Variants in CSMD1 observed in about 807,000 individuals in gnomAD.
The protein encoded by CSMD1 is CUB and Sushi multiple domains 1, also known as CUB and sushi domain-containing protein 1.
A neutral mutation model predicts 417.5 loss-of-function variants in CSMD1; 213 were observed. The ratio of observed to expected loss-of-function variants is 0.51; its 90% CI spans 0.46 to 0.57. The LOEUF (loss-of-function observed/expected upper bound fraction) is 0.57. Ranked by LOEUF, CSMD1 falls within the 20% of genes least tolerant of loss-of-function variation. CSMD1 has a pLI of 0.00. For synonymous variants in CSMD1, 2,862 were observed against 1,736.8 expected, an observed-to-expected ratio of 1.65 and a Z score of -16.11; for missense variants, 6,923 against 4,529.7, an observed-to-expected ratio of 1.53 and a Z score of -15.17.
chr8:4,295,351 T>C (rs1193307600), intron 3 of CSMD1, among the ~76,000 whole-genome samples: 1 of 127,446 alleles, frequency 7.8e-6, no homozygotes, highest in Non-Finnish European at 1.8e-5. Flanking sequence ...TATGCACATA[T>C]AACCTTAAGA....
At chr8:3,329,562 T>C (rs1806759712) in intron 23 of CSMD1, among the ~76,000 whole-genome samples, 1 of 152,174 alleles carries the variant, frequency 6.6e-6, no homozygotes, top group Non-Finnish European at 1.5e-5. Flanking sequence ...GCCTATGCAA[T>C]CACAGACAGC....
chr8:3,450,245 T>C (rs980497786), intron 12 of CSMD1, among the ~76,000 whole-genome samples: 2 of 152,152 alleles, frequency 1.3e-5, no homozygotes, highest in Non-Finnish European at 2.9e-5. Flanking sequence ...GGTCTTTCTC[T>C]GTCATGACCT....
At chr8:4,487,671 G>T (rs545668796) in intron 2 of CSMD1, among the ~76,000 whole-genome samples, 29 of 152,202 alleles carry the variant, frequency 1.9e-4, no homozygotes, top group African/African-American at 6.5e-4. Context: ...GGATTTTTCT[G>T]TAAAATAATT....
chr8:4,149,696 G>C lies in CSMD1; in HGVS notation c.416-117597C>G, dbSNP rs114947753. On this transcript the variant is annotated intron_variant, in intron 3 of 69. Transcript: ENST00000635120. ...ACACTGAAGGAATAAACAATGCTGAGTGATGCTGAGCTCCAACAGAAACAT... is the reference window on the plus strand; with the variant it reads ...ACACTGAAGGAATAAACAATGCTGACTGATGCTGAGCTCCAACAGAAACAT... Among the ~76,000 whole-genome samples the C allele has an allele frequency of 8.7e-3, 1,318 of 152,300 alleles. 18 individuals are homozygous for C. Among genetic ancestry groups the C allele is most frequent in the African/African-American group, 0.029 (1,223 of 41,556 alleles).
chr8:4,160,416 C>G (rs1029654813), intron 3 of CSMD1, among the ~76,000 whole-genome samples: 16 of 152,182 alleles, frequency 1.1e-4, no homozygotes, highest in African/African-American at 3.4e-4. Context: ...ACTTTAAATT[C>G]AATGAAATAG....
At chr8:4,317,773 A>G (rs1799019789) in intron 3 of CSMD1, among the ~76,000 whole-genome samples, 2 of 152,152 alleles carry the variant, frequency 1.3e-5, no homozygotes, top group African/African-American at 4.8e-5. Flanking sequence ...CTGCCCCAGA[A>G]GTTTTCTTTT....
intron 5 of CSMD1, among the ~76,000 whole-genome samples, chr8:3,763,440 G>C (rs963929980): frequency 3.3e-5 from 5 of 152,004 alleles, no homozygotes; most frequent in Admixed American, 6.6e-5. Context: ...TTGTTTAAAA[G>C]AGCCTAGCAC....
intron 5 of CSMD1, among the ~76,000 whole-genome samples, chr8:3,973,889 G>A (rs955197087): frequency 1.3e-5 from 2 of 152,222 alleles, no homozygotes; most frequent in African/African-American, 4.8e-5. Context: ...TGAATATATT[G>A]ATGGGTTACA....
intron 2 of CSMD1, among the ~76,000 whole-genome samples, chr8:4,501,810 T>A (rs373984522): frequency 1.3e-5 from 2 of 152,104 alleles, no homozygotes; most frequent in African/African-American, 4.8e-5. Context: ...GCAAGCGTAG[T>A]GGGCCTTATT....
At chr8:3,646,327 T>C (rs1009548428) in intron 7 of CSMD1, among the ~76,000 whole-genome samples, 3 of 152,178 alleles carry the variant, frequency 2.0e-5, no homozygotes, top group African/African-American at 4.8e-5. Flanking sequence ...ATATAGAAGA[T>C]ATTAAAACAT....
intron 5 of CSMD1, among the ~76,000 whole-genome samples, chr8:3,921,335 C>A (rs904987403): frequency 6.6e-6 from 1 of 151,830 alleles, no homozygotes; most frequent in Non-Finnish European, 1.5e-5. Flanking sequence ...TTTGTCTATC[C>A]TTTCATAAAA....
intron 1 of CSMD1, among the ~76,000 whole-genome samples, chr8:4,661,639 C>A (rs1281577080): frequency 1.3e-5 from 2 of 152,090 alleles, no homozygotes; most frequent in Admixed American, 6.6e-5. Flanking sequence ...TAAGGGGAAA[C>A]TGAGCAATAG....
intron 3 of CSMD1, among the ~76,000 whole-genome samples, chr8:4,232,455 T>C (rs750713348): frequency 1.2e-4 from 19 of 152,108 alleles, no homozygotes; most frequent in Non-Finnish European, 2.8e-4. Context: ...CACCTCAGAT[T>C]CCCAAAGTGC....
intron 6 of CSMD1, among the ~76,000 whole-genome samples, chr8:3,729,953 AAAAAAAAACAAAAAC>A (rs1387092345): frequency 2.2e-4 from 3 of 13,756 alleles, no homozygotes; most frequent in East Asian, 2.7e-3. Context: ...AAAAAAAAAA[AAAAAAAAACAAAAAC>A]AGAAGAACGG....
intron 1 of CSMD1, among the ~76,000 whole-genome samples, chr8:4,952,678 G>T (rs879114515): frequency 6.6e-6 from 1 of 151,972 alleles, no homozygotes; most frequent in Admixed American, 6.6e-5. Context: ...TCTATCAGAA[G>T]CAAAACATGG....
chr8:4,793,835 G>GAAA lies in CSMD1; in HGVS notation c.86-156280_86-156278dup, dbSNP rs35760193. Among the ~76,000 whole-genome samples, 211 of 132,414 alleles carry GAAA rather than the reference G, an allele frequency of 1.6e-3. 3 individuals carry two copies. Among genetic ancestry groups the GAAA allele is most frequent in the Non-Finnish European group, 2.0e-3 (129 of 65,004 alleles). 86.9% of individuals were successfully genotyped at this position (132,414 alleles called of 152,430 possible). Reference sequence around the variant, plus strand: ...AAAGCAGGCCACAACCCCAGAATAGGAAAAAAAAAAAAAAAAAACTCCTCT... The same window carrying GAAA: ...AAAGCAGGCCACAACCCCAGAATAGGAAAAAAAAAAAAAAAAAAAAACTCCTCT... On this transcript the variant is annotated intron_variant, in intron 1 of 69. Coordinates refer to ENST00000635120, the MANE Select transcript of CSMD1 (RefSeq NM_033225.6).
chr8:4,411,896 C>T (rs34592106), intron 3 of CSMD1, among the ~76,000 whole-genome samples: 2 of 151,892 alleles, frequency 1.3e-5, no homozygotes, highest in African/African-American at 4.8e-5. Context: ...TGCACATCTT[C>T]TGAGGTCAAT....
intron 12 of CSMD1, among the ~76,000 whole-genome samples, chr8:3,446,745 T>C (rs1166404126): frequency 2.0e-5 from 3 of 152,234 alleles, no homozygotes; most frequent in Admixed American, 2.0e-4. Context: ...ATGCATAGGA[T>C]GAGGTTATCT....
intron 46 of CSMD1, among the ~76,000 whole-genome samples, chr8:3,100,646 A>G (rs1815671683): frequency 6.6e-6 from 1 of 152,220 alleles, no homozygotes; most frequent in Non-Finnish European, 1.5e-5. Context: ...GCCTCGAGTT[A>G]TGATCCTTCT....
Sources: gnomAD v4.1 joint callset for allele counts (sites outside exome capture counted in the v4.1 genomes callset) on GRCh38, gnomAD v4.1.1 for gene constraint, MANE v1.5 for transcripts, NCBI Gene and HGNC (gene_info 2026-07-23, HGNC 2026-07-21) for gene names.